SUGCT: variants seen among roughly 807,000 people sequenced by gnomAD.
SUGCT encodes the protein succinyl-CoA:glutarate CoA-transferase.
A neutral mutation model predicts 55.0 loss-of-function variants in SUGCT; 41 were observed. The observed-to-expected ratio is 0.74, with a 90% CI of 0.58 to 0.97. The LOEUF is 0.97. SUGCT is among the 50% of genes least tolerant of loss of function. The probability of loss-of-function intolerance (pLI) is 0.00; values close to 1 mark genes in which losing one functional copy is unlikely to be tolerated. For synonymous variants in SUGCT, 187 were observed against 200.4 expected (o/e 0.93, Z 0.56); for missense variants, 568 against 547.8 (o/e 1.04, Z -0.37).
At chr7:40,501,140 C>T (rs955664774) in intron 12 of SUGCT, among the ~76,000 whole-genome samples, 1 of 152,082 alleles carries the variant, frequency 6.6e-6, no homozygotes, top group Non-Finnish European at 1.5e-5. Context: ...TAATTCCTAG[C>T]AGGCAAGGAG....
intron 1 of SUGCT, chr7:40,153,986 G>A (rs911394558): frequency 3.6e-6 from 1 of 278,826 alleles, no homozygotes; most frequent in Admixed American, 3.7e-5. Flanking sequence ...GATGTACTCA[G>A]GACGCGAAAT....
chr7:40,411,619 T>TC (rs1562757415), intron 9 of SUGCT, among the ~76,000 whole-genome samples: 1 of 152,058 alleles, frequency 6.6e-6, no homozygotes, highest in African/African-American at 2.4e-5. Context: ...CCAGGAAAGG[T>TC]AGCAGGGAGA....
Position 40,194,962 on chromosome 7 carries a change from TTG to T in SUGCT, c.389_390del (p.Val130GlyfsTer16). On this transcript the variant is annotated frameshift_variant, in exon 6 of 14. Coordinates refer to ENST00000335693, the MANE Select transcript of SUGCT (RefSeq NM_001193313.2). LOFTEE classifies it high-confidence loss of function. ...CAGCTTGCAGCTGTTTGTGATGTGT[TTG>T]TGGAAAACTATGTCCCTGGCAAACT... The T allele has an allele frequency of 6.2e-7, 1 of 1,613,692 alleles. No homozygotes were observed. Among genetic ancestry groups the T allele is most frequent in the Non-Finnish European group, 8.5e-7 (1 of 1,179,766 alleles).
intron 12 of SUGCT, among the ~76,000 whole-genome samples, chr7:40,698,749 A>G (rs1785047406): frequency 6.6e-6 from 1 of 152,114 alleles, no homozygotes; most frequent in South Asian, 2.1e-4. Flanking sequence ...AATACTTCCA[A>G]CAGTTTATGA....
intron 13 of SUGCT, among the ~76,000 whole-genome samples, chr7:40,799,332 C>T (rs925434955): frequency 1.3e-5 from 2 of 152,078 alleles, no homozygotes; most frequent in Non-Finnish European, 2.9e-5. Context: ...TTTTATGTAG[C>T]ATATTTTGCT....
intron 6 of SUGCT, among the ~76,000 whole-genome samples, chr7:40,219,419 T>A (rs1021380058): frequency 2.6e-5 from 4 of 152,348 alleles, no homozygotes; most frequent in Middle Eastern, 3.4e-3. Context: ...TTATTTGCTC[T>A]TTGGAGAAGA....
intron 12 of SUGCT, among the ~76,000 whole-genome samples, chr7:40,670,413 A>G (rs1363260460): frequency 6.6e-6 from 1 of 152,186 alleles, no homozygotes; most frequent in East Asian, 1.9e-4. Flanking sequence ...ACCTTTTCAA[A>G]GACTGACAAA....
At chr7:40,766,223 T>G (rs1168294462) in intron 13 of SUGCT, among the ~76,000 whole-genome samples, 1 of 152,196 alleles carries the variant, frequency 6.6e-6, no homozygotes, top group African/African-American at 2.4e-5. Context: ...GTTATTTATC[T>G]ATTTAGAGAC....
chr7:40,171,223 T>A (rs540433299), intron 1 of SUGCT, among the ~76,000 whole-genome samples: 1 of 152,234 alleles, frequency 6.6e-6, no homozygotes, highest in African/African-American at 2.4e-5. Flanking sequence ...GTTTATCCTA[T>A]GTGCCTTTTT....
intron 9 of SUGCT, among the ~76,000 whole-genome samples, chr7:40,386,118 G>A (rs1278367428): frequency 6.6e-6 from 1 of 152,182 alleles, no homozygotes; most frequent in Non-Finnish European, 1.5e-5. Context: ...GGACACAGAT[G>A]CAATCTGGAA....
At chr7:40,541,266 G>C (rs1794661776) in intron 12 of SUGCT, among the ~76,000 whole-genome samples, 1 of 152,204 alleles carries the variant, frequency 6.6e-6, no homozygotes, top group South Asian at 2.1e-4. Context: ...AAACCAGAGA[G>C]AGCCAAGTAA....
rs542126661 is a variant in SUGCT, at chr7:40,534,767, C to T, written c.1089+38381C>T. On this transcript the variant is annotated intron_variant, in intron 12 of 13. Transcript: ENST00000335693. ...TGATTTCCAGTAATTTCCGAATAAC[C>T]TTTAGTTAAATTTGAAAAATTACTT... Among the ~76,000 whole-genome samples, 6 of 152,246 alleles carry T rather than the reference C, an allele frequency of 3.9e-5. No individual in the cohort carries two copies. In the East Asian group the frequency reaches 7.7e-4, roughly 20 times the overall value.
chr7:40,731,282 A>C (rs1786875718), intron 12 of SUGCT, among the ~76,000 whole-genome samples: 1 of 152,212 alleles, frequency 6.6e-6, no homozygotes, highest in East Asian at 1.9e-4. Context: ...GTGCAGAGAC[A>C]GAAGTCCAGA....
chr7:40,355,356 C>G (rs1212277643), intron 9 of SUGCT, among the ~76,000 whole-genome samples: 2 of 152,190 alleles, frequency 1.3e-5, no homozygotes, highest in African/African-American at 4.8e-5. Context: ...ACATTTATGT[C>G]AATCAAAACC....
chr7:40,188,521 G>A lies in SUGCT; in HGVS notation c.253G>A (p.Gly85Arg). 1 of 1,609,944 alleles carries A rather than the reference G, an allele frequency of 6.2e-7. No homozygotes were observed. ...PGAGDDTRTW[G>R]PPFVGTESTY... ...AGCTGGTGATGATACACGAACTTGGGGGCCACCTTTTGTTGGGACAGAAAG... is the reference window on the plus strand; with the variant it reads ...AGCTGGTGATGATACACGAACTTGGAGGCCACCTTTTGTTGGGACAGAAAG... The change falls in exon 4 of 14, where the codon GGG (glycine) becomes AGG (arginine). Residue 85 changes from glycine (G) to arginine (R), a missense_variant. By Grantham distance (125) the Gly-to-Arg change is moderately radical (BLOSUM62 -2). Transcript: ENST00000335693.
the SUGCT span, among the ~76,000 whole-genome samples, chr7:41,032,751 C>A: frequency 9.5e-4 from 144 of 152,182 alleles, no homozygotes; most frequent in African/African-American, 3.3e-3. Context: ...AAACAAAAAA[C>A]CCCAGTTTTT....
chr7:40,577,291 G>C (rs1195635402), intron 12 of SUGCT, among the ~76,000 whole-genome samples: 1 of 150,572 alleles, frequency 6.6e-6, no homozygotes, highest in Non-Finnish European at 1.5e-5. Context: ...TCTACTCTGA[G>C]TGGAGGAGAG....
the SUGCT span, among the ~76,000 whole-genome samples, chr7:40,865,852 C>T: frequency 6.6e-6 from 1 of 152,188 alleles, no homozygotes; most frequent in Non-Finnish European, 1.5e-5. Context: ...TCACCTCTAC[C>T]TTGTTAAATA....
chr7:41,031,959 A>G, the SUGCT span, among the ~76,000 whole-genome samples: 3 of 151,982 alleles, frequency 2.0e-5, no homozygotes, highest in African/African-American at 4.8e-5. Context: ...ATGCTCATGG[A>G]GTGGAGCCCT....
Sources: gnomAD v4.1 joint callset for allele counts (sites outside exome capture counted in the v4.1 genomes callset) on GRCh38, gnomAD v4.1.1 for gene constraint, MANE v1.5 for transcripts, NCBI Gene and HGNC (gene_info 2026-07-23, HGNC 2026-07-21) for gene names.